The following CFAP96 variants were observed in gnomAD, a reference collection of about 807,000 sequenced individuals.
CFAP96 encodes cilia-and flagella-associated protein 96.
the CFAP96 span, among the ~76,000 whole-genome samples, chr4:185,445,864 G>A: frequency 5.4e-3 from 818 of 151,870 alleles, 3 homozygotes; most frequent in Admixed American, 0.015. Context: ...TTTTTGAGAC[G>A]GAGTTTCGCT....
chr4:185,426,143 T>G, the CFAP96 span: 1 of 526,828 alleles, frequency 1.9e-6, no homozygotes, highest in Non-Finnish European at 3.4e-6. Flanking sequence ...CTGTGTGTTC[T>G]TCGATGCGGA....
chr4:185,425,966 C>A, the CFAP96 span: 1 of 1,426,742 alleles, frequency 7.0e-7, no homozygotes, highest in Non-Finnish European at 9.7e-7. Context: ...GGGCGGGGCC[C>A]GGGCGGACCA....
the CFAP96 span, among the ~76,000 whole-genome samples, chr4:185,418,069 A>ACACACACACACAC: frequency 5.4e-3 from 123 of 22,776 alleles, 1 homozygote; most frequent in African/African-American, 0.018. Context: ...CACACACACA[A>ACACACACACACAC]ACAACAGAAC....
At chr4:185,413,854 T>C in the CFAP96 span, 1 of 1,606,728 alleles carries the variant, frequency 6.2e-7, no homozygotes, top group South Asian at 1.1e-5. Context: ...TGAGGCAGAT[T>C]GAAAAGATCA....
chr4:185,425,882 C>CAA, the CFAP96 span: 1 of 1,600,682 alleles, frequency 6.2e-7, no homozygotes, highest in South Asian at 1.1e-5. Context: ...CGCGACGTGG[C>CAA]GGTGACACGG....
the CFAP96 span, among the ~76,000 whole-genome samples, chr4:185,433,700 G>A: frequency 6.6e-6 from 1 of 152,164 alleles, no homozygotes. Context: ...TCAGGAGTTT[G>A]AGACCAGCCT....
the CFAP96 span, among the ~76,000 whole-genome samples, chr4:185,430,612 A>G: frequency 6.6e-6 from 1 of 152,292 alleles, no homozygotes; most frequent in South Asian, 2.1e-4. Context: ...CTTTTCAAAA[A>G]TTTAAGTTGG....
chr4:185,445,357 A>G, the CFAP96 span: 1 of 758,288 alleles, frequency 1.3e-6, no homozygotes, highest in Non-Finnish European at 2.1e-6. Context: ...TCTGCACCAA[A>G]CCATTCTGTG....
the CFAP96 span, among the ~76,000 whole-genome samples, chr4:185,440,995 G>A: frequency 2.0e-5 from 3 of 150,972 alleles, no homozygotes; most frequent in Non-Finnish European, 2.9e-5. Flanking sequence ...CTTTGCCCGG[G>A]CTGGCAGTGC....
At chr4:185,443,342 A>ATATATATATATATATATATATATATT in the CFAP96 span, among the ~76,000 whole-genome samples, 1 of 26,728 alleles carries the variant, frequency 3.7e-5, no homozygotes, top group African/African-American at 1.2e-4. Flanking sequence ...ATATATATAT[A>ATATATATATATATATATATATATATT]TTTTTTTTTT....
At chr4:185,449,432 G>A in the CFAP96 span, among the ~76,000 whole-genome samples, 1 of 151,934 alleles carries the variant, frequency 6.6e-6, no homozygotes, top group Non-Finnish European at 1.5e-5. Context: ...GAGGCAGGAG[G>A]ATTGCCTAAA....
the CFAP96 span, among the ~76,000 whole-genome samples, chr4:185,443,342 A>ATATATATATATATATATATATTT: frequency 7.5e-5 from 2 of 26,726 alleles, no homozygotes; most frequent in African/African-American, 2.3e-4. Context: ...ATATATATAT[A>ATATATATATATATATATATATTT]TTTTTTTTTT....
At chr4:185,447,662 C>T in the CFAP96 span, among the ~76,000 whole-genome samples, 1 of 152,146 alleles carries the variant, frequency 6.6e-6, no homozygotes, top group Non-Finnish European at 1.5e-5. Context: ...GTATGCATCT[C>T]ATTAGGAGTA....
the CFAP96 span, among the ~76,000 whole-genome samples, chr4:185,427,718 C>A: frequency 1.8e-3 from 275 of 150,188 alleles, 7 homozygotes; most frequent in Non-Finnish European, 3.4e-3. Flanking sequence ...TGAGATAGCG[C>A]CTCTGCATTC....
the CFAP96 span, among the ~76,000 whole-genome samples, chr4:185,421,929 C>G: frequency 6.6e-6 from 1 of 152,188 alleles, no homozygotes; most frequent in Non-Finnish European, 1.5e-5. Context: ...TTGTACTTGA[C>G]CTTCCACTGG....
At chr4:185,428,958 AT>A in the CFAP96 span, among the ~76,000 whole-genome samples, 1 of 152,254 alleles carries the variant, frequency 6.6e-6, no homozygotes, top group African/African-American at 2.4e-5. Flanking sequence ...AACTGTAAAA[AT>A]GTCTGCCTTA....
At chr4:185,434,641 C>T in the CFAP96 span, among the ~76,000 whole-genome samples, 16 of 151,602 alleles carry the variant, frequency 1.1e-4, no homozygotes, top group East Asian at 1.6e-3. Flanking sequence ...TTAGTGGATA[C>T]AGAAAGTGTT....
the CFAP96 span, chr4:185,431,986 C>T: frequency 4.3e-5 from 66 of 1,550,596 alleles, no homozygotes; most frequent in East Asian, 1.3e-3. Context: ...TTAAAGGACC[C>T]TTTAATGAGG....
chr4:185,418,071 C>CACACACACACACACACA, the CFAP96 span, among the ~76,000 whole-genome samples: 5 of 151,700 alleles, frequency 3.3e-5, no homozygotes, highest in Non-Finnish European at 7.4e-5. Flanking sequence ...CACACACAAA[C>CACACACACACACACACA]AACAGAACCA....
Sources: allele counts gnomAD v4.1 joint callset (sites outside exome capture counted in the v4.1 genomes callset), GRCh38; gene constraint gnomAD v4.1.1; transcripts MANE v1.5; gene names NCBI Gene and HGNC (gene_info 2026-07-23, HGNC 2026-07-21).